SLC18B1: variants seen among roughly 807,000 people sequenced by gnomAD.
SLC18B1 encodes solute carrier family 18 member B1, also known as MFS-type transporter SLC18B1.
SLC18B1 carries 62 observed loss-of-function variants against 53.9 expected under a neutral mutation model. The observed-to-expected ratio is 1.15, with a 90% CI of 0.94 to 1.42. SLC18B1 has a LOEUF of 1.42. Among genes scored for constraint, SLC18B1 ranks in the 40% most tolerant of loss-of-function variants. The pLI is 0.00. For synonymous variants in SLC18B1, 217 were observed against 200.9 expected, an observed-to-expected ratio of 1.08 and a Z score of -0.68; for missense variants, 598 against 547.3, an observed-to-expected ratio of 1.09 and a Z score of -0.93.
intron 2 of SLC18B1, among the ~76,000 whole-genome samples, chr6:132,791,125 G>A (rs1359197912): frequency 6.6e-6 from 1 of 152,166 alleles, no homozygotes; most frequent in East Asian, 1.9e-4. Context: ...CAAAATATGA[G>A]TTTAATTTCT....
chr6:132,789,119 C>T (rs568516193), intron 4 of SLC18B1, among the ~76,000 whole-genome samples: 12 of 152,114 alleles, frequency 7.9e-5, no homozygotes, highest in Non-Finnish European at 1.3e-4. Flanking sequence ...ATCTGTTTTG[C>T]CTCTGGCACT....
chr6:132,776,290 A>G (rs1357771043), intron 8 of SLC18B1, 38 bp downstream of exon 8: 2 of 1,524,764 alleles, frequency 1.3e-6, no homozygotes, highest in Non-Finnish European at 1.8e-6. Flanking sequence ...TGCTCTAAAC[A>G]TACAAAAGTG....
chr6:132,774,700 C>A (rs1447048045), intron 8 of SLC18B1, among the ~76,000 whole-genome samples: 1 of 152,052 alleles, frequency 6.6e-6, no homozygotes, highest in Admixed American at 6.6e-5. Context: ...CTTGAGCTCA[C>A]AAGTTTGAGA....
At chr6:132,770,719 G>A (rs1175701768) in intron 13 of SLC18B1, among the ~76,000 whole-genome samples, 171 bp downstream of exon 13, 1 of 152,166 alleles carries the variant, frequency 6.6e-6, no homozygotes, top group Non-Finnish European at 1.5e-5. Flanking sequence ...CTGGGTGACA[G>A]AGCAAGACAC....
At chr6:132,792,225 C>CGAAAGAAAGAAAGAAAGAAAGAA (rs1781541173) in intron 2 of SLC18B1, among the ~76,000 whole-genome samples, 2 of 44,582 alleles carry the variant, frequency 4.5e-5, no homozygotes, top group African/African-American at 7.5e-5. Context: ...AAGACACTGT[C>CGAAAGAAAGAAAGAAAGAAAGAA]AGAAAGAAAG....
chr6:132,774,003 T>G (rs1196157136), intron 9 of SLC18B1, among the ~76,000 whole-genome samples: 1 of 152,252 alleles, frequency 6.6e-6, no homozygotes, highest in African/African-American at 2.4e-5. Context: ...ATATGCATTT[T>G]TGTCATTTGA....
At chr6:132,776,027 C>T (rs1781090771) in intron 8 of SLC18B1, among the ~76,000 whole-genome samples, 1 of 152,218 alleles carries the variant, frequency 6.6e-6, no homozygotes, top group Admixed American at 6.5e-5. Context: ...TATGATCGCA[C>T]CACTGCACTC....
intron 1 of SLC18B1, among the ~76,000 whole-genome samples, chr6:132,797,837 T>G (rs1204689377): frequency 6.6e-6 from 1 of 152,192 alleles, no homozygotes; most frequent in African/African-American, 2.4e-5. Context: ...TAACACTTAT[T>G]TCCAGGGCTA....
intron 6 of SLC18B1, among the ~76,000 whole-genome samples, chr6:132,782,777 AT>A (rs397886990): frequency 0.011 from 1,578 of 144,354 alleles, 14 homozygotes; most frequent in African/African-American, 0.025. Flanking sequence ...AATAATAACA[AT>A]TTTTTTTTTT....
At chr6:132,792,285 AAGAAAGG>A (rs1562271441) in intron 2 of SLC18B1, among the ~76,000 whole-genome samples, 16 of 56,234 alleles carry the variant, frequency 2.8e-4, no homozygotes, top group East Asian at 8.2e-4. Flanking sequence ...GAAAGAAAGG[AAGAAAGG>A]AAGGAAGGAA....
chr6:132,786,312 G>A (rs1361815135), intron 5 of SLC18B1, among the ~76,000 whole-genome samples: 2 of 152,168 alleles, frequency 1.3e-5, no homozygotes, highest in Admixed American at 6.5e-5. Flanking sequence ...TTGGGAGGCT[G>A]AGGCAGGTGG....
chr6:132,793,333 T>C (rs900201452), intron 2 of SLC18B1, among the ~76,000 whole-genome samples: 55 of 152,286 alleles, frequency 3.6e-4, no homozygotes, highest in African/African-American at 1.3e-3. Context: ...ACCACAAGAT[T>C]TTAATCAGAA....
At chr6:132,792,988 A>T (rs976370310) in intron 2 of SLC18B1, among the ~76,000 whole-genome samples, 1 of 152,080 alleles carries the variant, frequency 6.6e-6, no homozygotes, top group Admixed American at 6.6e-5. Context: ...GGGTGTGGTG[A>T]TGCGCGCCTG....
chr6:132,775,554 G>A (rs1192164306), intron 8 of SLC18B1, among the ~76,000 whole-genome samples: 2 of 152,152 alleles, frequency 1.3e-5, no homozygotes, highest in African/African-American at 4.8e-5. Context: ...ATATGCAAAT[G>A]AAATCAAGGG....
chr6:132,792,311 G>A (rs9767251), intron 2 of SLC18B1, among the ~76,000 whole-genome samples: 24 of 95,650 alleles, frequency 2.5e-4, no homozygotes, highest in African/African-American at 1.4e-3. Flanking sequence ...AAGGAAGGAA[G>A]GAAGGAAGGA....
chr6:132,794,235 CTGGGA>C, intron 2 of SLC18B1, among the ~76,000 whole-genome samples: 1 of 151,694 alleles, frequency 6.6e-6, no homozygotes, highest in Non-Finnish European at 1.5e-5. Context: ...TCCTGAGTAG[CTGGGA>C]CTACAGTCAC....
rs1022071500 is a variant in SLC18B1 at position 132,790,372 on chromosome 6, A to G, written c.184-100T>C. ...AGGGCATCATCTTCTTGTGAACTTT[A>G]TCTGTATATCAGTTTCAAAAAGATT... On this transcript the variant is annotated intron_variant, in intron 2 of 13. Transcript: ENST00000275227. 4 of 748,952 alleles carry G rather than the reference A, an allele frequency of 5.3e-6. No homozygotes were observed. The African/African-American group carries it at 7.2e-5, about 14-fold the overall frequency. 46.4% of individuals were successfully genotyped at this position (748,952 alleles called of 1,614,324 possible).
intron 7 of SLC18B1, among the ~76,000 whole-genome samples, chr6:132,778,258 G>A (rs1008225241): frequency 1.3e-5 from 2 of 152,102 alleles, no homozygotes; most frequent in African/African-American, 2.4e-5. Flanking sequence ...GGATGTATAC[G>A]TGCAGGTCAC....
intron 1 of SLC18B1, 32 bp from the exon 2 acceptor site, chr6:132,797,153 T>G: frequency 6.2e-7 from 1 of 1,610,982 alleles, no homozygotes; most frequent in South Asian, 1.1e-5. Flanking sequence ...ATTAGGCATA[T>G]AATTGAGACT....
Sources: allele counts gnomAD v4.1 joint callset (sites outside exome capture counted in the v4.1 genomes callset), GRCh38; gene constraint gnomAD v4.1.1; transcripts MANE v1.5; gene names NCBI Gene and HGNC (gene_info 2026-07-23, HGNC 2026-07-21).